Variants in PPP1R9A observed in about 807,000 individuals in gnomAD.
PPP1R9A encodes protein phosphatase 1 regulatory subunit 9A, also known as neurabin-1.
PPP1R9A carries 59 observed loss-of-function variants against 141.9 expected under a neutral mutation model. The observed-to-expected ratio is 0.42, with a 90% CI of 0.34 to 0.52. The LOEUF (loss-of-function observed/expected upper bound fraction) is 0.52, where lower values mean the gene tolerates loss of function less well. Among genes scored for constraint, PPP1R9A ranks in the 20% least tolerant of loss-of-function variants. The pLI, the probability that PPP1R9A is intolerant of heterozygous loss-of-function variation, is 0.10. For missense variants in PPP1R9A, 1,444 were observed against 1,611.9 expected, an observed-to-expected ratio of 0.90 and a Z score of 1.78; for synonymous variants, 500 against 569.7, an observed-to-expected ratio of 0.88 and a Z score of 1.74.
At chr7:95,063,998 T>G (rs1812619161) in intron 2 of PPP1R9A, among the ~76,000 whole-genome samples, 1 of 152,218 alleles carries the variant, frequency 6.6e-6, no homozygotes, top group Non-Finnish European at 1.5e-5. Flanking sequence ...TGAGATCCAC[T>G]TATCTTGGTA....
At chr7:94,939,454 C>T (rs1795099913) in intron 2 of PPP1R9A, among the ~76,000 whole-genome samples, 1 of 151,788 alleles carries the variant, frequency 6.6e-6, no homozygotes, top group Non-Finnish European at 1.5e-5. Flanking sequence ...TCAGATTACC[C>T]CTTTTTATTT....
intron 5 of PPP1R9A, among the ~76,000 whole-genome samples, chr7:95,192,635 A>C (rs1423365499): frequency 1.3e-5 from 2 of 152,048 alleles, no homozygotes; most frequent in African/African-American, 4.8e-5. Context: ...CTCATTTTAC[A>C]ACTGTGGAAA....
chr7:95,141,649 T>A (rs1397361395), intron 4 of PPP1R9A, among the ~76,000 whole-genome samples: 1 of 147,350 alleles, frequency 6.8e-6, no homozygotes, highest in Non-Finnish European at 1.5e-5. Context: ...TTTTTTTTTT[T>A]AACTAGAGAA....
At chr7:95,252,349 C>A (rs1798997214) in intron 12 of PPP1R9A, among the ~76,000 whole-genome samples, 1 of 151,778 alleles carries the variant, frequency 6.6e-6, no homozygotes, top group South Asian at 2.1e-4. Context: ...TAAAGATAAG[C>A]CAAATACTAT....
rs200654223 is a variant in PPP1R9A at position 94,952,664 on chromosome 7, G to A, written c.1395+41156G>A. On this transcript the variant is annotated intron_variant, in intron 2 of 19. Transcript: ENST00000433360. ...ATTGCCATTCTAACTGGCATGAGAT[G>A]GTATCTCATTGTGGTTTTGATTTGC... 3.3e-5 allele frequency among the ~76,000 whole-genome samples: 5 copies of A among 152,250 alleles called. No homozygotes were observed. The East Asian group carries it at 9.7e-4, about 29-fold the overall frequency.
chr7:95,287,636 A>C (rs1805593112), intron 18 of PPP1R9A, among the ~76,000 whole-genome samples: 1 of 152,108 alleles, frequency 6.6e-6, no homozygotes, highest in Non-Finnish European at 1.5e-5. Context: ...CCACTTACTA[A>C]CTGTGTGATC....
chr7:95,164,742 T>TTTTTTTTTTTTTTTTTTTTTTTTTTTC (rs1830962766), intron 5 of PPP1R9A, among the ~76,000 whole-genome samples: 1 of 36,348 alleles, frequency 2.8e-5, no homozygotes, highest in Non-Finnish European at 6.1e-5. Context: ...TTTTCTTTTC[T>TTTTTTTTTTTTTTTTTTTTTTTTTTTC]TTTTTTTTTT....
chr7:95,184,369 A>C (rs1042508154), intron 5 of PPP1R9A, among the ~76,000 whole-genome samples: 6 of 152,242 alleles, frequency 3.9e-5, no homozygotes, highest in Non-Finnish European at 7.3e-5. Context: ...TTAAATGTAC[A>C]TACAATAAAT....
chr7:95,206,937 A>G (rs759023531), intron 7 of PPP1R9A, among the ~76,000 whole-genome samples: 1 of 152,078 alleles, frequency 6.6e-6, no homozygotes, highest in African/African-American at 2.4e-5. Flanking sequence ...AAATAAATCT[A>G]TCACCCCAGG....
intron 3 of PPP1R9A, among the ~76,000 whole-genome samples, chr7:95,114,581 A>G (rs1351630858): frequency 6.6e-6 from 1 of 152,142 alleles, no homozygotes; most frequent in Non-Finnish European, 1.5e-5. Flanking sequence ...GCCATATTTC[A>G]TACTAAAAAT....
At chr7:95,019,541 T>G (rs2151704027) in intron 2 of PPP1R9A, among the ~76,000 whole-genome samples, 1 of 152,300 alleles carries the variant, frequency 6.6e-6, no homozygotes, top group Non-Finnish European at 1.5e-5. Flanking sequence ...TATAAAGTAC[T>G]CTTTCCATTT....
chr7:95,109,236 G>A (rs1373914442), intron 2 of PPP1R9A, among the ~76,000 whole-genome samples: 1 of 152,046 alleles, frequency 6.6e-6, no homozygotes, highest in Non-Finnish European at 1.5e-5. Context: ...TCAAGACTCA[G>A]GTCAAATATC....
intron 2 of PPP1R9A, among the ~76,000 whole-genome samples, chr7:95,076,932 T>C (rs1218317880): frequency 6.6e-6 from 1 of 152,128 alleles, no homozygotes; most frequent in Non-Finnish European, 1.5e-5. Flanking sequence ...ATTATAGTTT[T>C]ATCTCTTTCT....
intron 2 of PPP1R9A, among the ~76,000 whole-genome samples, chr7:94,960,559 C>G (rs1797521813): frequency 6.6e-6 from 1 of 151,630 alleles, no homozygotes; most frequent in South Asian, 2.1e-4. Flanking sequence ...CACTAAATGC[C>G]TACACCTTAG....
intron 4 of PPP1R9A, among the ~76,000 whole-genome samples, chr7:95,153,812 T>G (rs1829132269): frequency 6.6e-6 from 1 of 152,202 alleles, no homozygotes; most frequent in Non-Finnish European, 1.5e-5. Context: ...GTCAATCTCA[T>G]TACTTATTAT....
intron 5 of PPP1R9A, among the ~76,000 whole-genome samples, chr7:95,167,266 C>T (rs1585044929): frequency 1.3e-5 from 2 of 152,142 alleles, no homozygotes; most frequent in Non-Finnish European, 2.9e-5. Flanking sequence ...ATCACAAGAA[C>T]AGCACAGGAA....
chr7:95,134,029 G>A (rs940871163), intron 4 of PPP1R9A, among the ~76,000 whole-genome samples: 4 of 152,076 alleles, frequency 2.6e-5, no homozygotes, highest in African/African-American at 9.7e-5. Flanking sequence ...TATGTTTATT[G>A]CAGCACTATT....
intron 8 of PPP1R9A, among the ~76,000 whole-genome samples, chr7:95,242,391 CT>C (rs1447040654): frequency 6.6e-6 from 1 of 152,104 alleles, no homozygotes; most frequent in Admixed American, 6.6e-5. Flanking sequence ...AGAACTAGAG[CT>C]CTCTTAAAAC....
At chr7:95,190,527 G>T (rs933432577) in intron 5 of PPP1R9A, among the ~76,000 whole-genome samples, 1 of 152,184 alleles carries the variant, frequency 6.6e-6, no homozygotes, top group Non-Finnish European at 1.5e-5. Flanking sequence ...AAGTTGTCAC[G>T]TGGACACACT....
Sources: gnomAD v4.1 joint callset for allele counts (sites outside exome capture counted in the v4.1 genomes callset) on GRCh38, gnomAD v4.1.1 for gene constraint, MANE v1.5 for transcripts, NCBI Gene and HGNC (gene_info 2026-07-23, HGNC 2026-07-21) for gene names.